Variants in CAPN8 observed in about 807,000 individuals in gnomAD.
The protein encoded by CAPN8 is calpain 8, also known as calpain-8.
Under a neutral mutation model 80.9 loss-of-function variants are expected in CAPN8, and 87 were observed. The ratio of observed to expected loss-of-function variants is 1.07; its 90% CI spans 0.90 to 1.28. The LOEUF (loss-of-function observed/expected upper bound fraction) is 1.28, where lower values mean the gene tolerates loss of function less well. Among genes scored for constraint, CAPN8 ranks in the 50% most tolerant of loss-of-function variants. The pLI is 0.00. For synonymous variants in CAPN8, 299 were observed against 273.8 expected, an observed-to-expected ratio of 1.09 and a Z score of -0.91; for missense variants, 757 against 702.0, an observed-to-expected ratio of 1.08 and a Z score of -0.89.
chr1:223,634,849 G>A (rs867431135), intron 2 of CAPN8, among the ~76,000 whole-genome samples: 2 of 152,184 alleles, frequency 1.3e-5, no homozygotes, highest in Non-Finnish European at 2.9e-5. Context: ...ATGAATGGCG[G>A]GAGCGGGGAC....
At chr1:223,661,584 C>T (rs545462420) in intron 1 of CAPN8, among the ~76,000 whole-genome samples, 198 of 152,210 alleles carry the variant, frequency 1.3e-3, no homozygotes, top group African/African-American at 4.1e-3. Context: ...GAGCCGAATT[C>T]GCACCATTGT....
At chr1:223,554,317 G>A (rs1361909577) in intron 13 of CAPN8, among the ~76,000 whole-genome samples, 5 of 152,134 alleles carry the variant, frequency 3.3e-5, no homozygotes, top group Non-Finnish European at 7.4e-5. Context: ...AAAACATGGG[G>A]TCATATCTAA....
intron 15 of CAPN8, 164 bp from the exon 16 acceptor site, chr1:223,549,546 G>A (rs180991144): frequency 3.1e-4 from 324 of 1,035,274 alleles, no homozygotes; most frequent in Non-Finnish European, 4.3e-4. Context: ...GGGCAGATAC[G>A]CCTGAGCCTC....
chr1:223,552,842 C>T (rs1656827269), intron 14 of CAPN8, among the ~76,000 whole-genome samples: 1 of 152,126 alleles, frequency 6.6e-6, no homozygotes, highest in Admixed American at 6.5e-5. Flanking sequence ...TGAGCTTTTC[C>T]TTTCATCATT....
intron 13 of CAPN8, among the ~76,000 whole-genome samples, chr1:223,556,453 C>T (rs1031138828): frequency 1.1e-3 from 166 of 152,284 alleles, no homozygotes; most frequent in African/African-American, 3.9e-3. Context: ...CCTAGTACCT[C>T]AGAAGGGGAG....
chr1:223,624,790 G>A (rs1000664034), intron 6 of CAPN8, among the ~76,000 whole-genome samples: 1 of 151,558 alleles, frequency 6.6e-6, no homozygotes, highest in Non-Finnish European at 1.5e-5. Flanking sequence ...AAGACACAAT[G>A]TAGGAAATAA....
intron 2 of CAPN8, among the ~76,000 whole-genome samples, chr1:223,645,000 C>A (rs534254903): frequency 6.6e-6 from 1 of 152,098 alleles, no homozygotes; most frequent in Non-Finnish European, 1.5e-5. Context: ...CACAATAAGC[C>A]GTCTGCAAGC....
chr1:223,662,925 C>T (rs1041441811), intron 1 of CAPN8, among the ~76,000 whole-genome samples: 7 of 152,182 alleles, frequency 4.6e-5, no homozygotes, highest in Non-Finnish European at 1.0e-4. Context: ...GATAAGTCTG[C>T]CTTCTCTAAT....
Position 223,545,686 on chromosome 1 carries a change from T to C in CAPN8, c.1765-387A>G, listed in dbSNP as rs137979454. ...AGTTTGTTGGAATGTCAAAATGTTA[T>C]GGGAAAAGACATCAGGAGCCAGGAA... is the stretch of plus-strand genomic sequence containing the variant. On this transcript the variant is annotated intron_variant, in intron 16 of 20. Coordinates refer to ENST00000366872, the MANE Select transcript of CAPN8 (RefSeq NM_001143962.2). Among the ~76,000 whole-genome samples, 713 of 152,210 alleles carry C rather than the reference T, an allele frequency of 4.7e-3. 5 individuals carry two copies. Among genetic ancestry groups the C allele is most frequent in the African/African-American group, 0.016 (669 of 41,518 alleles).
At position 223,648,523 on chromosome 1, in the gene CAPN8, G is replaced by C. The variant is rs79082805; in HGVS notation, c.307+5807C>G. 2.6e-5 allele frequency among the ~76,000 whole-genome samples: 4 copies of C among 152,324 alleles called. No homozygotes were observed. In the East Asian group the frequency reaches 7.7e-4, roughly 29 times the overall value. The stretch of plus-strand genomic sequence containing the variant: ...CTTAAAGATGCTGACACTACTCCCA[G>C]TTACTGACTAGCGGTGTGCATGCCA... On this transcript the variant is annotated intron_variant, in intron 2 of 20. Transcript: ENST00000366872.
intron 1 of CAPN8, among the ~76,000 whole-genome samples, chr1:223,665,121 C>T (rs1658749466): frequency 6.6e-6 from 1 of 152,148 alleles, no homozygotes; most frequent in East Asian, 1.9e-4. Flanking sequence ...GACATGGTGG[C>T]ACATGCCTGT....
At chr1:223,644,481 T>C (rs1372672609) in intron 2 of CAPN8, 1 of 159,990 alleles carries the variant, frequency 6.3e-6, no homozygotes, top group Non-Finnish European at 1.4e-5. Flanking sequence ...TGAGCATTCA[T>C]TCTGTGCCAA....
chr1:223,628,908 C>A, intron 2 of CAPN8, 128 bp from the exon 3 acceptor site: 1 of 688,534 alleles, frequency 1.5e-6, no homozygotes, highest in Non-Finnish European at 2.4e-6. Flanking sequence ...GTAGAGTTTC[C>A]TCCTCCGGTG....
rs1657304128 is a variant in CAPN8 at position 223,619,314 on chromosome 1, C to T, written c.1114G>A (p.Gly372Arg). The T allele has an allele frequency of 1.9e-6, 3 of 1,551,716 alleles. No homozygotes were observed. In the African/African-American group the frequency reaches 4.1e-5, roughly 21 times the overall value. Residue 372 changes from glycine to arginine, a missense_variant, in exon 9 of 21, where the codon GGG becomes AGG. Coordinates refer to ENST00000366872, the MANE Select transcript of CAPN8 (RefSeq NM_001143962.2). ...NGHWTRGSTAGGCQNYPATYW... is the reference protein window; with the variant it reads ...NGHWTRGSTARGCQNYPATYW... ...TTACCTGGGTAGTTCTGGCAGCCCC[C>T]AGCTGTGGAGCCCCGGGTCCAGTGG...
intron 4 of CAPN8, 55 bp downstream of exon 4, chr1:223,627,954 T>G: frequency 6.8e-7 from 1 of 1,479,516 alleles, no homozygotes; most frequent in South Asian, 1.4e-5. Context: ...GAGGGACAGG[T>G]GAGAGCTTTC....
At chr1:223,612,479 A>C (rs932634483) in intron 10 of CAPN8, among the ~76,000 whole-genome samples, 1 of 151,880 alleles carries the variant, frequency 6.6e-6, no homozygotes, top group East Asian at 1.9e-4. Context: ...CTGGTGGGGG[A>C]CCACCAGATT....
intron 7 of CAPN8, among the ~76,000 whole-genome samples, chr1:223,621,994 C>T (rs977771938): frequency 2.6e-5 from 4 of 151,978 alleles, no homozygotes; most frequent in Non-Finnish European, 5.9e-5. Context: ...TTAGTAGAGA[C>T]GGGGTTTCAC....
Position 223,612,967 on chromosome 1 carries a change from G to A in CAPN8, c.1312-710C>T, listed in dbSNP as rs76302940. The stretch of plus-strand genomic sequence containing the variant: ...CACTATTTTCACTAGCCTAGCTCGA[G>A]TTGGGCTTTATTATATGCAACTGGA... On this transcript the variant is annotated intron_variant, in intron 10 of 20. Coordinates refer to ENST00000366872, the MANE Select transcript of CAPN8 (RefSeq NM_001143962.2). Among the ~76,000 whole-genome samples the A allele has an allele frequency of 7.5e-3, 1,135 of 152,300 alleles. 17 individuals carry two copies. Among genetic ancestry groups the A allele is most frequent in the African/African-American group, 0.024 (1,018 of 41,554 alleles).
At chr1:223,645,403 AT>A (rs1658161211) in intron 2 of CAPN8, among the ~76,000 whole-genome samples, 2 of 152,126 alleles carry the variant, frequency 1.3e-5, no homozygotes, top group Non-Finnish European at 2.9e-5. Flanking sequence ...CTTCAATCCA[AT>A]CAAGTTGACA....
Sources: gnomAD v4.1 joint callset for allele counts (sites outside exome capture counted in the v4.1 genomes callset) on GRCh38, gnomAD v4.1.1 for gene constraint, MANE v1.5 for transcripts, NCBI Gene and HGNC (gene_info 2026-07-23, HGNC 2026-07-21) for gene names.